EPHA6: variants seen among roughly 807,000 people sequenced by gnomAD.
EPHA6 encodes ephrin type-A receptor 6.
In EPHA6, 50 loss-of-function variants were observed where a neutral mutation model predicts 112.0. The observed-to-expected ratio is 0.45, with a 90% confidence interval of 0.36 to 0.56. EPHA6 has a LOEUF of 0.56. Ranked by LOEUF, EPHA6 falls within the 20% of genes least tolerant of loss-of-function variation. EPHA6 has a pLI of 0.00. For missense variants in EPHA6, 1,280 were observed against 1,417.4 expected (o/e 0.90, Z 1.56); for synonymous variants, 529 against 490.7 (o/e 1.08, Z -1.03).
At chr3:97,703,528 ATAGCAACTT>A (rs2033513306) in intron 14 of EPHA6, among the ~76,000 whole-genome samples, 2 of 152,208 alleles carry the variant, frequency 1.3e-5, no homozygotes, top group African/African-American at 4.8e-5. Context: ...AACTGAATAA[ATAGCAACTT>A]ACACATCATA....
At chr3:97,660,642 A>C (rs1380564311) in intron 14 of EPHA6, among the ~76,000 whole-genome samples, 2 of 152,122 alleles carry the variant, frequency 1.3e-5, no homozygotes, top group Non-Finnish European at 2.9e-5. Flanking sequence ...TTGTGCCCAG[A>C]ATCTCAGCTG....
chr3:97,114,833 A>T (rs2047834232), intron 3 of EPHA6, among the ~76,000 whole-genome samples: 1 of 152,098 alleles, frequency 6.6e-6, no homozygotes, highest in South Asian at 2.1e-4. Context: ...GTAATCAATG[A>T]TAATTATATG....
chr3:97,658,140 T>A (rs1248798481), intron 14 of EPHA6, among the ~76,000 whole-genome samples: 1 of 151,876 alleles, frequency 6.6e-6, no homozygotes, highest in Non-Finnish European at 1.5e-5. Context: ...CTTTTCTATC[T>A]CACCCACACA....
At chr3:97,080,355 T>A (rs2046681317) in intron 3 of EPHA6, among the ~76,000 whole-genome samples, 2 of 151,790 alleles carry the variant, frequency 1.3e-5, no homozygotes. Flanking sequence ...TGTTTTTTTC[T>A]TTGTAATGAA....
chr3:96,861,280 C>G (rs1401754767), intron 1 of EPHA6, among the ~76,000 whole-genome samples: 2 of 152,002 alleles, frequency 1.3e-5, no homozygotes, highest in African/African-American at 2.4e-5. Flanking sequence ...ATAGTTCTTG[C>G]TCTAGAGTAT....
intron 3 of EPHA6, among the ~76,000 whole-genome samples, chr3:97,061,639 A>AAAG (rs1297401896): frequency 6.6e-6 from 1 of 152,196 alleles, no homozygotes; most frequent in African/African-American, 2.4e-5. Flanking sequence ...GAGAAGGTAA[A>AAAG]AAGAAATAAG....
intron 7 of EPHA6, among the ~76,000 whole-genome samples, chr3:97,456,361 T>C (rs2090684543): frequency 6.6e-6 from 1 of 152,108 alleles, no homozygotes; most frequent in Admixed American, 6.6e-5. Context: ...ATCAGATTCT[T>C]AGAACTTATT....
intron 3 of EPHA6, among the ~76,000 whole-genome samples, chr3:97,012,631 T>A (rs1030105205): frequency 2.5e-4 from 37 of 149,152 alleles, no homozygotes; most frequent in Non-Finnish European, 4.9e-4. Flanking sequence ...ATGTATTTTT[T>A]TTTTTTTTTA....
chr3:97,371,421 A>G (rs560924510), intron 5 of EPHA6, among the ~76,000 whole-genome samples: 4 of 152,246 alleles, frequency 2.6e-5, no homozygotes, highest in Admixed American at 1.3e-4. Context: ...TCTTTACTGC[A>G]ATCTCTGAAC....
intron 13 of EPHA6, chr3:97,612,542 G>T: frequency 4.2e-6 from 1 of 240,716 alleles, no homozygotes; most frequent in Non-Finnish European, 8.7e-6. Context: ...TCCATTAAAT[G>T]TTTTAAAGAA....
intron 2 of EPHA6, among the ~76,000 whole-genome samples, chr3:96,921,415 T>C (rs2039756723): frequency 6.6e-6 from 1 of 152,144 alleles, no homozygotes; most frequent in South Asian, 2.1e-4. Context: ...ATTTTAAAGA[T>C]GATTGCTTTT....
chr3:96,852,214 C>T (rs1451373384), intron 1 of EPHA6, among the ~76,000 whole-genome samples: 1 of 151,928 alleles, frequency 6.6e-6, no homozygotes, highest in Non-Finnish European at 1.5e-5. Flanking sequence ...GGTGTTTGGG[C>T]CAGGTGCAGT....
chr3:97,241,578 G>A (rs2078847006), intron 4 of EPHA6, among the ~76,000 whole-genome samples: 1 of 151,670 alleles, frequency 6.6e-6, no homozygotes, highest in African/African-American at 2.4e-5. Flanking sequence ...AGAATTAATT[G>A]TCTCTCTTTG....
chr3:97,616,108 T>G (rs915689126), intron 13 of EPHA6, among the ~76,000 whole-genome samples: 28 of 152,098 alleles, frequency 1.8e-4, no homozygotes, highest in African/African-American at 6.0e-4. Flanking sequence ...GGGACAGAGC[T>G]CACAGAGGAA....
intron 5 of EPHA6, among the ~76,000 whole-genome samples, chr3:97,322,800 T>TA (rs970334596): frequency 2.6e-5 from 4 of 151,964 alleles, no homozygotes; most frequent in Admixed American, 6.6e-5. Flanking sequence ...ACTAAGACTT[T>TA]AAAAAAATCT....
At chr3:97,447,788 G>A (rs1328267022) in intron 6 of EPHA6, 6 of 1,015,504 alleles carry the variant, frequency 5.9e-6, no homozygotes, top group Non-Finnish European at 7.1e-6. Flanking sequence ...TCACGCAAGA[G>A]ACTGAGAACC....
intron 14 of EPHA6, among the ~76,000 whole-genome samples, chr3:97,670,312 A>G (rs2030673595): frequency 6.6e-6 from 1 of 152,246 alleles, no homozygotes; most frequent in Non-Finnish European, 1.5e-5. Context: ...ATTGACTGGT[A>G]TCCGTAGTCA....
chr3:97,337,874 A>C (rs1370643610), intron 5 of EPHA6, among the ~76,000 whole-genome samples: 2 of 152,180 alleles, frequency 1.3e-5, no homozygotes, highest in Non-Finnish European at 2.9e-5. Flanking sequence ...TACTCCTTTG[A>C]AGACGAGCAA....
At chr3:97,735,472 T>G (rs1038396472) in intron 15 of EPHA6, among the ~76,000 whole-genome samples, 2 of 152,032 alleles carry the variant, frequency 1.3e-5, no homozygotes, top group Non-Finnish European at 2.9e-5. Flanking sequence ...AGGGTACACA[T>G]TGACATTATC....
Sources: allele counts gnomAD v4.1 joint callset (sites outside exome capture counted in the v4.1 genomes callset), GRCh38; gene constraint gnomAD v4.1.1; transcripts MANE v1.5; gene names NCBI Gene and HGNC (gene_info 2026-07-23, HGNC 2026-07-21).